Variants in ADAMTSL1 observed in about 807,000 individuals in gnomAD.
ADAMTSL1 encodes the protein ADAMTS-like protein 1.
A neutral mutation model predicts 201.8 loss-of-function variants in ADAMTSL1; 126 were observed. The observed-to-expected ratio is 0.62, with a 90% CI of 0.54 to 0.72. The LOEUF is 0.72. ADAMTSL1 is among the 30% of genes least tolerant of loss of function. ADAMTSL1 has a pLI of 0.00. For missense variants in ADAMTSL1, 2,679 were observed against 2,277.8 expected (o/e 1.18, Z -3.59); for synonymous variants, 1,121 against 903.4 (o/e 1.24, Z -4.32).
intron 26 of ADAMTSL1, among the ~76,000 whole-genome samples, chr9:18,902,933 G>A (rs114454395): frequency 0.01 from 1,588 of 152,268 alleles, 33 homozygotes; most frequent in African/African-American, 0.036. Context: ...GGCCAGGCAC[G>A]GTGGCTCATA....
intron 23 of ADAMTSL1, among the ~76,000 whole-genome samples, chr9:18,843,933 CG>C: frequency 6.6e-6 from 1 of 152,156 alleles, no homozygotes; most frequent in East Asian, 1.9e-4. Context: ...GTTATACATT[CG>C]TGTAAATTTT....
chr9:18,024,135 T>C (rs1158660763), intron 1 of ADAMTSL1, among the ~76,000 whole-genome samples: 1 of 152,162 alleles, frequency 6.6e-6, no homozygotes, highest in Non-Finnish European at 1.5e-5. Flanking sequence ...TTTTTATTGG[T>C]AAAAATGGAT....
chr9:18,380,427 T>A (rs1481888567), intron 2 of ADAMTSL1, among the ~76,000 whole-genome samples: 3 of 152,148 alleles, frequency 2.0e-5, no homozygotes, highest in Non-Finnish European at 1.5e-5. Context: ...GGAATAAAAA[T>A]TAAGGAATAG....
At chr9:18,783,812 A>C (rs1821543496) in intron 19 of ADAMTSL1, among the ~76,000 whole-genome samples, 1 of 151,824 alleles carries the variant, frequency 6.6e-6, no homozygotes, top group African/African-American at 2.4e-5. Flanking sequence ...AACAAAGACT[A>C]CAGGTGGCCC....
chr9:18,515,820 C>G (rs953199102), intron 2 of ADAMTSL1, among the ~76,000 whole-genome samples: 1 of 152,020 alleles, frequency 6.6e-6, no homozygotes, highest in Admixed American at 6.6e-5. Context: ...TCAGCCTTGC[C>G]CAAAGTATTA....
intron 4 of ADAMTSL1, among the ~76,000 whole-genome samples, chr9:18,588,654 T>C (rs543543585): frequency 1.3e-5 from 2 of 151,966 alleles, no homozygotes; most frequent in Admixed American, 1.3e-4. Context: ...AATGGGGCTC[T>C]AATTTTATTC....
chr9:18,176,849 C>G (rs1000377533), intron 2 of ADAMTSL1, among the ~76,000 whole-genome samples: 2 of 152,154 alleles, frequency 1.3e-5, no homozygotes, highest in African/African-American at 4.8e-5. Flanking sequence ...AATACAGTAT[C>G]ATTAATTCAG....
At chr9:18,480,567 G>A (rs1475036748) in intron 1 of ADAMTSL1, among the ~76,000 whole-genome samples, 1 of 152,198 alleles carries the variant, frequency 6.6e-6, no homozygotes, top group African/African-American at 2.4e-5. Flanking sequence ...TTTGTTGTGT[G>A]AAAACCCTGA....
At chr9:18,149,429 G>A (rs1371143108) in intron 1 of ADAMTSL1, among the ~76,000 whole-genome samples, 1 of 151,950 alleles carries the variant, frequency 6.6e-6, no homozygotes, top group Non-Finnish European at 1.5e-5. Flanking sequence ...GGCTTTGGGG[G>A]CCTTTAAAAG....
At chr9:18,525,703 C>G (rs1046265595) in intron 2 of ADAMTSL1, among the ~76,000 whole-genome samples, 8 of 151,984 alleles carry the variant, frequency 5.3e-5, no homozygotes, top group African/African-American at 1.7e-4. Context: ...CATTTTGTAC[C>G]CAGTAGTCAT....
intron 1 of ADAMTSL1, among the ~76,000 whole-genome samples, chr9:18,114,936 C>T (rs866228263): frequency 1.5e-4 from 23 of 152,128 alleles, no homozygotes; most frequent in African/African-American, 3.9e-4. Flanking sequence ...CATAAGCCAC[C>T]GTGGTCGACT....
At chr9:18,891,306 C>G (rs963518637) in intron 25 of ADAMTSL1, among the ~76,000 whole-genome samples, 1 of 152,190 alleles carries the variant, frequency 6.6e-6, no homozygotes, top group East Asian at 1.9e-4. Flanking sequence ...CTGGGTAACC[C>G]CGCTGTGACC....
chr9:18,372,749 G>C (rs1017117221), intron 2 of ADAMTSL1, among the ~76,000 whole-genome samples: 1 of 152,172 alleles, frequency 6.6e-6, no homozygotes, highest in East Asian at 1.9e-4. Context: ...AGTAATGAAG[G>C]CTTTGGTTAC....
At chr9:18,329,498 T>C (rs970032649) in intron 2 of ADAMTSL1, among the ~76,000 whole-genome samples, 8 of 152,176 alleles carry the variant, frequency 5.3e-5, no homozygotes, top group Admixed American at 1.3e-4. Flanking sequence ...TACAAGAATG[T>C]TAAATTTATA....
Position 17,963,349 on chromosome 9 carries a change from T to G in ADAMTSL1, c.87+56427T>G, listed in dbSNP as rs149506749. On this transcript the variant is annotated intron_variant, in intron 1 of 29. Coordinates refer to the ADAMTSL1 transcript ENST00000680146. Reference sequence around the variant, plus strand: ...TTTAAACATAGATACTAAAGAAGGCTAGATATTAGACTGTGGACATTTTGA... The same window carrying G: ...TTTAAACATAGATACTAAAGAAGGCGAGATATTAGACTGTGGACATTTTGA... Among the ~76,000 whole-genome samples, 266 of 152,314 alleles carry G rather than the reference T, an allele frequency of 1.7e-3. 2 individuals carry two copies. Among genetic ancestry groups the G allele is most frequent in the African/African-American group, 6.2e-3 (257 of 41,592 alleles).
At chr9:18,824,001 A>AAAGG (rs1373472637) in intron 21 of ADAMTSL1, among the ~76,000 whole-genome samples, 3 of 151,976 alleles carry the variant, frequency 2.0e-5, no homozygotes, top group Non-Finnish European at 2.9e-5. Flanking sequence ...ATAAGAAAGA[A>AAAGG]AAGGAAGGAA....
At chr9:18,860,508 TAAA>T (rs11385571) in intron 23 of ADAMTSL1, among the ~76,000 whole-genome samples, 1 of 146,818 alleles carries the variant, frequency 6.8e-6, no homozygotes, top group African/African-American at 2.5e-5. Context: ...ATCTGGCCCT[TAAA>T]AAAAAAAAAA....
rs1176162368 is a variant in ADAMTSL1, at chr9:18,841,115, A to G, written c.4249+11138A>G. ...AGAGAGGGCATCCCTGTCTTGTGCC[A>G]GTTTTCAAAGGGAATGCTTCCAGTT... On this transcript the variant is annotated intron_variant, in intron 23 of 28. Coordinates refer to ENST00000380548, the MANE Select transcript of ADAMTSL1 (RefSeq NM_001040272.6). Among the ~76,000 whole-genome samples the G allele has an allele frequency of 4.6e-5, 7 of 151,324 alleles. No individual in the cohort carries two copies. The South Asian group carries it at 1.5e-3, about 32-fold the overall frequency.
intron 3 of ADAMTSL1, among the ~76,000 whole-genome samples, chr9:18,541,205 T>TAAAA (rs995327250): frequency 1.3e-5 from 2 of 152,214 alleles, no homozygotes; most frequent in African/African-American, 4.8e-5. Flanking sequence ...GGACAGTCTC[T>TAAAA]AAAAGGCTAT....
Sources: allele counts gnomAD v4.1 joint callset (sites outside exome capture counted in the v4.1 genomes callset), GRCh38; gene constraint gnomAD v4.1.1; transcripts MANE v1.5; gene names NCBI Gene and HGNC (gene_info 2026-07-23, HGNC 2026-07-21).